The following MAST4 variants were observed in gnomAD, a reference collection of about 807,000 sequenced individuals.
MAST4 encodes the protein microtubule associated serine/threonine kinase family member 4.
MAST4 carries 89 observed loss-of-function variants against 162.7 expected under a neutral mutation model. The observed-to-expected ratio is 0.55, with a 90% CI of 0.46 to 0.65. The LOEUF is 0.65. MAST4 is among the 30% of genes least tolerant of loss of function. MAST4 has a pLI of 0.00. For synonymous variants in MAST4, 1,479 were observed against 1,361.1 expected (o/e 1.09, Z -1.91); for missense variants, 3,153 against 3,374.0 (o/e 0.93, Z 1.62).
intron 1 of MAST4, among the ~76,000 whole-genome samples, chr5:66,699,413 T>C (rs1183160213): frequency 6.6e-6 from 1 of 152,218 alleles, no homozygotes. Flanking sequence ...GGAACTGTTT[T>C]TGTTGATGTT....
rs3188119 is a variant in MAST4 at position 67,165,869 on chromosome 5, G to A, written c.6690G>A (p.Gln2230=). 374 of 1,613,342 alleles carry A rather than the reference G, an allele frequency of 2.3e-4. 2 individuals are homozygous for A. In the African/African-American group the frequency reaches 4.6e-3, roughly 20 times the overall value. Residue 2230 remains glutamine, a synonymous_variant, in exon 29 of 29, where the codon CAG becomes CAA. Transcript: ENST00000403625. ...GATKGKEPAT[Q]SLGGSSREGK... ...CAAAGGGCAAAGAGCCTGCCACTCA[G>A]TCCCTCGGTGGCTCTAGCAGAGAGG...
chr5:66,748,824 G>T (rs940769909), intron 1 of MAST4, among the ~76,000 whole-genome samples: 3 of 151,658 alleles, frequency 2.0e-5, no homozygotes, highest in African/African-American at 4.8e-5. Context: ...ATGGAAGAAT[G>T]CATTCTGGGT....
chr5:66,849,625 C>A (rs1310074583), intron 3 of MAST4, among the ~76,000 whole-genome samples: 1 of 152,192 alleles, frequency 6.6e-6, no homozygotes, highest in Non-Finnish European at 1.5e-5. Flanking sequence ...CCTAGCCGAG[C>A]TCTGGTGAGA....
intron 1 of MAST4, among the ~76,000 whole-genome samples, chr5:66,629,933 T>A (rs746437432): frequency 2.0e-5 from 3 of 152,206 alleles, no homozygotes; most frequent in Non-Finnish European, 2.9e-5. Flanking sequence ...TATTAACTTG[T>A]AAGTAACAAA....
At chr5:66,691,669 T>A (rs1284034086) in intron 1 of MAST4, among the ~76,000 whole-genome samples, 1 of 152,200 alleles carries the variant, frequency 6.6e-6, no homozygotes, top group Admixed American at 6.5e-5. Context: ...TGTCTTCACT[T>A]GGTGGAAGGG....
intron 3 of MAST4, among the ~76,000 whole-genome samples, chr5:66,883,422 GTTTTTTTTT>G (rs36071165): frequency 1.9e-4 from 18 of 97,258 alleles, no homozygotes; most frequent in African/African-American, 7.3e-4. Flanking sequence ...TTCTGTCACT[GTTTTTTTTT>G]TTTTTTTTTT....
At chr5:66,755,749 A>G (rs2149603867) in intron 1 of MAST4, among the ~76,000 whole-genome samples, 1 of 152,202 alleles carries the variant, frequency 6.6e-6, no homozygotes, top group East Asian at 1.9e-4. Context: ...TAACATATGT[A>G]TTACCTCACA....
At chr5:66,865,254 A>C (rs1321317774) in intron 3 of MAST4, among the ~76,000 whole-genome samples, 1 of 152,252 alleles carries the variant, frequency 6.6e-6, no homozygotes, top group Non-Finnish European at 1.5e-5. Context: ...AGAGTCATAC[A>C]TGCCAGCTAT....
intron 26 of MAST4, among the ~76,000 whole-genome samples, chr5:67,156,518 G>A (rs1772556100): frequency 6.6e-6 from 1 of 152,200 alleles, no homozygotes; most frequent in Non-Finnish European, 1.5e-5. Flanking sequence ...TTTCTCCAGG[G>A]TGGACAGGAA....
intron 2 of MAST4, among the ~76,000 whole-genome samples, chr5:66,764,172 G>A (rs1753978655): frequency 6.6e-6 from 1 of 152,188 alleles, no homozygotes; most frequent in African/African-American, 2.4e-5. Flanking sequence ...GGGTTTGGCT[G>A]TAGGTCACTC....
intron 4 of MAST4, among the ~76,000 whole-genome samples, chr5:66,969,211 C>A (rs1447172087): frequency 1.3e-5 from 2 of 152,106 alleles, no homozygotes; most frequent in East Asian, 3.9e-4. Context: ...TTTAGAGCTG[C>A]CATTCTCCAT....
intron 1 of MAST4, among the ~76,000 whole-genome samples, chr5:66,620,516 A>T (rs17268928): frequency 0.11 from 16,417 of 152,200 alleles, 1,076 homozygotes; most frequent in Middle Eastern, 0.16. Flanking sequence ...TTTAAAAAAA[A>T]CAACAAAGCA....
intron 1 of MAST4, among the ~76,000 whole-genome samples, chr5:66,743,650 G>GGGAGACTAGTAATGGAGAGGC (rs1207470291): frequency 6.6e-6 from 1 of 152,136 alleles, no homozygotes; most frequent in Non-Finnish European, 1.5e-5. Flanking sequence ...ACACAGGGCA[G>GGGAGACTAGTAATGGAGAGGC]GGAGACTAGT....
chr5:66,706,523 A>C (rs1750138401), intron 1 of MAST4, among the ~76,000 whole-genome samples: 1 of 152,216 alleles, frequency 6.6e-6, no homozygotes, highest in South Asian at 2.1e-4. Context: ...ACTGTCCATG[A>C]GTTCCTTTTG....
intron 4 of MAST4, among the ~76,000 whole-genome samples, chr5:66,925,690 A>C (rs1322231572): frequency 2.0e-5 from 3 of 152,146 alleles, no homozygotes; most frequent in African/African-American, 7.2e-5. Flanking sequence ...TAGGGGTAAG[A>C]AGTTTGGTTC....
intron 3 of MAST4, among the ~76,000 whole-genome samples, chr5:66,851,637 A>G (rs753888579): frequency 3.3e-5 from 5 of 152,190 alleles, no homozygotes; most frequent in Non-Finnish European, 7.3e-5. Context: ...AACCTGTGCT[A>G]TGTATCTAAA....
At chr5:66,976,880 T>C (rs1748203978) in intron 4 of MAST4, among the ~76,000 whole-genome samples, 1 of 152,212 alleles carries the variant, frequency 6.6e-6, no homozygotes, top group African/African-American at 2.4e-5. Context: ...TTAACACTTC[T>C]AGTAGCCACT....
chr5:66,762,835 A>G (rs942159127), intron 2 of MAST4, among the ~76,000 whole-genome samples: 2 of 152,212 alleles, frequency 1.3e-5, no homozygotes, highest in African/African-American at 4.8e-5. Flanking sequence ...TTTTTAGTTT[A>G]TGGTTGGACA....
chr5:67,115,555 G>A (rs2150928297), intron 12 of MAST4, among the ~76,000 whole-genome samples: 1 of 152,346 alleles, frequency 6.6e-6, no homozygotes, highest in South Asian at 2.1e-4. Context: ...TCACTTATCA[G>A]AGACTGGTGG....
Sources: gnomAD v4.1 joint callset for allele counts (sites outside exome capture counted in the v4.1 genomes callset) on GRCh38, gnomAD v4.1.1 for gene constraint, MANE v1.5 for transcripts, NCBI Gene and HGNC (gene_info 2026-07-23, HGNC 2026-07-21) for gene names.